CLVS1: variants seen among roughly 807,000 people sequenced by gnomAD.
CLVS1 encodes the protein clavesin-1.
CLVS1 carries 10 observed loss-of-function variants against 33.1 expected under a neutral mutation model. The ratio of observed to expected loss-of-function variants is 0.30; its 90% CI spans 0.19 to 0.51. The LOEUF (loss-of-function observed/expected upper bound fraction) is 0.51, where lower values mean the gene tolerates loss of function less well. CLVS1 is among the 20% of genes least tolerant of loss of function. CLVS1 has a pLI of 0.97. For synonymous variants in CLVS1, 163 were observed against 166.1 expected (o/e 0.98, Z 0.14); for missense variants, 343 against 433.4 (o/e 0.79, Z 1.85).
intron 1 of CLVS1, among the ~76,000 whole-genome samples, chr8:61,063,004 T>G (rs985567830): frequency 6.6e-6 from 1 of 152,224 alleles, no homozygotes; most frequent in Non-Finnish European, 1.5e-5. Context: ...TGTCATTTAT[T>G]CCTCATAACT....
the CLVS1 span, among the ~76,000 whole-genome samples, chr8:61,051,756 C>G: frequency 6.6e-6 from 1 of 152,256 alleles, no homozygotes; most frequent in Non-Finnish European, 1.5e-5. Context: ...CTCATTTGCC[C>G]TGCTTGGACC....
the CLVS1 span, among the ~76,000 whole-genome samples, chr8:61,050,801 C>T: frequency 1.3e-5 from 2 of 152,182 alleles, no homozygotes; most frequent in Non-Finnish European, 2.9e-5. Context: ...TGCAGCCCAG[C>T]GGTGGCAGGG....
intron 3 of CLVS1, among the ~76,000 whole-genome samples, chr8:61,449,515 C>A (rs1418578745): frequency 6.6e-6 from 1 of 152,186 alleles, no homozygotes; most frequent in Non-Finnish European, 1.5e-5. Context: ...AGGCTGCCCA[C>A]TCAGACTTTG....
intron 1 of CLVS1, among the ~76,000 whole-genome samples, chr8:61,119,291 A>C (rs2129289457): frequency 6.6e-6 from 1 of 152,054 alleles, no homozygotes. Context: ...GGGTTTCCTG[A>C]ATACAGCACA....
rs1398583328 is a variant in CLVS1, at chr8:61,123,269, C to CAAA, written c.-242-8499_-242-8497dup. ...GGGAAACAAGAGTGAAACTCTGTCT[C>CAAA]AAAATAATAATAATAATAATAATAA... On this transcript the variant is annotated intron_variant, in intron 1 of 2. Transcript: ENST00000522621. Among the ~76,000 whole-genome samples, 24 of 111,700 alleles carry CAAA rather than the reference C, an allele frequency of 2.1e-4. 3 individuals are homozygous for CAAA. The highest frequency in any genetic ancestry group is 1.1e-3 in the East Asian group (5 of 4,416). 73.3% of individuals were successfully genotyped at this position (111,700 alleles called of 152,430 possible).
At chr8:61,068,477 G>C (rs1423291747) in intron 1 of CLVS1, among the ~76,000 whole-genome samples, 1 of 151,678 alleles carries the variant, frequency 6.6e-6, no homozygotes, top group Non-Finnish European at 1.5e-5. Context: ...AAGCTTGCAG[G>C]GTGTTCAGAA....
At chr8:61,192,157 T>C (rs1330164716) in intron 2 of CLVS1, among the ~76,000 whole-genome samples, 10 of 152,170 alleles carry the variant, frequency 6.6e-5, no homozygotes, top group Admixed American at 6.5e-4. Context: ...CAAAACAGCA[T>C]GGTACTGGTA....
At chr8:61,396,877 C>T (rs1201024161) in intron 3 of CLVS1, among the ~76,000 whole-genome samples, 1 of 152,136 alleles carries the variant, frequency 6.6e-6, no homozygotes, top group Non-Finnish European at 1.5e-5. Context: ...AACATCATTC[C>T]TTTTCATTGC....
At chr8:61,068,037 A>C (rs1804714707) in intron 1 of CLVS1, among the ~76,000 whole-genome samples, 1 of 151,446 alleles carries the variant, frequency 6.6e-6, no homozygotes, top group Non-Finnish European at 1.5e-5. Flanking sequence ...TTTTAAAAAA[A>C]ATTAGCAGGT....
chr8:61,340,858 G>C (rs867534667), intron 2 of CLVS1, among the ~76,000 whole-genome samples: 1 of 152,200 alleles, frequency 6.6e-6, no homozygotes, highest in Non-Finnish European at 1.5e-5. Flanking sequence ...TTTTGGTTCT[G>C]ATTAATTCCT....
At chr8:61,391,324 T>A (rs1426201782) in intron 3 of CLVS1, 2 of 152,192 alleles carry the variant, frequency 1.3e-5, no homozygotes, top group Non-Finnish European at 2.9e-5. Flanking sequence ...GCCAGAATTG[T>A]TAGCAGTATA....
At chr8:61,110,099 G>A (rs1805600384) in intron 1 of CLVS1, among the ~76,000 whole-genome samples, 1 of 152,154 alleles carries the variant, frequency 6.6e-6, no homozygotes. Context: ...ATGGTGCACG[G>A]TTGCCCCCTT....
chr8:61,429,418 T>A (rs1816026642), intron 3 of CLVS1, among the ~76,000 whole-genome samples: 2 of 91,846 alleles, frequency 2.2e-5, no homozygotes, highest in Admixed American at 1.2e-4. Flanking sequence ...AGACTCTGTC[T>A]TAAAAAAAAA....
chr8:61,312,081 A>T (rs771022736), intron 2 of CLVS1, among the ~76,000 whole-genome samples: 30 of 152,102 alleles, frequency 2.0e-4, no homozygotes, highest in Non-Finnish European at 3.7e-4. Flanking sequence ...TGGGCTATTC[A>T]TTGCTTTCCC....
chr8:61,116,369 G>T (rs1198622098), intron 1 of CLVS1, among the ~76,000 whole-genome samples: 1 of 152,140 alleles, frequency 6.6e-6, no homozygotes, highest in African/African-American at 2.4e-5. Context: ...AAGCTCTTTA[G>T]TTTAATTAGA....
chr8:61,477,789 T>A (rs1208540757), intron 5 of CLVS1, among the ~76,000 whole-genome samples: 1 of 152,212 alleles, frequency 6.6e-6, no homozygotes, highest in African/African-American at 2.4e-5. Flanking sequence ...TTTTTGTGTC[T>A]CTATGTCCTT....
At chr8:61,122,461 C>T (rs1298049731) in intron 1 of CLVS1, among the ~76,000 whole-genome samples, 1 of 152,066 alleles carries the variant, frequency 6.6e-6, no homozygotes, top group Non-Finnish European at 1.5e-5. Flanking sequence ...TTTCTGGTGA[C>T]CTACTGGCAA....
At chr8:61,220,625 T>C (rs1056152898) in intron 2 of CLVS1, among the ~76,000 whole-genome samples, 1 of 151,546 alleles carries the variant, frequency 6.6e-6, no homozygotes, top group Non-Finnish European at 1.5e-5. Flanking sequence ...TTGCTTAGGA[T>C]TGTCTTGGCT....
intron 5 of CLVS1, among the ~76,000 whole-genome samples, chr8:61,481,419 G>A (rs2350577): frequency 0.03 from 4,591 of 152,254 alleles, 108 homozygotes; most frequent in African/African-American, 0.067. Context: ...CCCAGGAAGC[G>A]CAAGGGGTCA....
Sources: allele counts gnomAD v4.1 joint callset (sites outside exome capture counted in the v4.1 genomes callset), GRCh38; gene constraint gnomAD v4.1.1; transcripts MANE v1.5; gene names NCBI Gene and HGNC (gene_info 2026-07-23, HGNC 2026-07-21).